The following FGGY variants were observed in gnomAD, a reference collection of about 807,000 sequenced individuals.
The protein encoded by FGGY is FGGY carbohydrate kinase domain containing.
Under a neutral mutation model 71.3 loss-of-function variants are expected in FGGY, and 72 were observed. The ratio of observed to expected loss-of-function variants is 1.01; its 90% CI spans 0.84 to 1.23. The LOEUF is 1.23. FGGY is among the 50% of genes most tolerant of loss of function. The pLI is 0.00. For missense variants in FGGY, 668 were observed against 682.3 expected, an observed-to-expected ratio of 0.98 and a Z score of 0.23; for synonymous variants, 251 against 250.3, an observed-to-expected ratio of 1.00 and a Z score of -0.02.
chr1:59,313,685 C>G (rs2044812178), intron 1 of FGGY, among the ~76,000 whole-genome samples: 1 of 152,134 alleles, frequency 6.6e-6, no homozygotes, highest in South Asian at 2.1e-4. Flanking sequence ...GACTATTATT[C>G]TAAGTGAAGT....
chr1:59,402,703 G>A (rs1557811188), intron 5 of FGGY, among the ~76,000 whole-genome samples: 1 of 152,138 alleles, frequency 6.6e-6, no homozygotes, highest in Non-Finnish European at 1.5e-5. Flanking sequence ...ACTGAGCCTT[G>A]AGACAGGGTA....
At chr1:59,541,102 TCAAA>T (rs1196107783) in intron 7 of FGGY, among the ~76,000 whole-genome samples, 2 of 152,154 alleles carry the variant, frequency 1.3e-5, no homozygotes, top group African/African-American at 4.8e-5. Context: ...TGAGCCTTCC[TCAAA>T]CAATGTATTA....
At chr1:59,504,576 G>T (rs960939035) in intron 6 of FGGY, among the ~76,000 whole-genome samples, 19 of 152,230 alleles carry the variant, frequency 1.2e-4, no homozygotes, top group African/African-American at 4.6e-4. Context: ...TTTAGTAACA[G>T]AAGTCACCTT....
chr1:59,346,249 G>T lies in FGGY; in HGVS notation c.316G>T (p.Asp106Tyr). The change falls in exon 4 of 16, where the codon GAT (aspartate) becomes TAT (tyrosine). Residue 106 changes from aspartate (D) to tyrosine (Y), a missense_variant and splice_region_variant. Physicochemically the swap from Asp to Tyr is radical, Grantham distance 160 (BLOSUM62 -3). Transcript: ENST00000303721. Reference protein sequence around the residue: ...FHPLPVNQEGDSHRNVIMWLD... With the variant: ...FHPLPVNQEGYSHRNVIMWLD... ...CATCTCCCTCTCGTTTCTGCTAGGGGATTCCCATCGAAACGTCATCATGTG... is the reference window on the plus strand; with the variant it reads ...CATCTCCCTCTCGTTTCTGCTAGGGTATTCCCATCGAAACGTCATCATGTG... The T allele has an allele frequency of 6.2e-7, 1 of 1,612,848 alleles. No individual in the cohort carries two copies. The highest frequency in any genetic ancestry group is 1.1e-5 in the South Asian group (1 of 91,016).
intron 5 of FGGY, among the ~76,000 whole-genome samples, chr1:59,448,232 A>G (rs552346682): frequency 1.3e-5 from 2 of 152,156 alleles, no homozygotes; most frequent in African/African-American, 4.8e-5. Context: ...TTCTTGTACA[A>G]CCATTTTGTT....
intron 14 of FGGY, among the ~76,000 whole-genome samples, chr1:59,713,458 C>T (rs187448636): frequency 3.3e-5 from 5 of 152,282 alleles, no homozygotes; most frequent in African/African-American, 1.2e-4. Flanking sequence ...ACTGCAGGTC[C>T]TTCACAAAGC....
chr1:59,473,878 C>T (rs186471653), intron 6 of FGGY, among the ~76,000 whole-genome samples: 1 of 152,250 alleles, frequency 6.6e-6, no homozygotes, highest in East Asian at 1.9e-4. Context: ...AGGTGGCAAG[C>T]CCATTTCTTT....
At chr1:59,399,116 A>G (rs2061649590) in intron 5 of FGGY, among the ~76,000 whole-genome samples, 2 of 152,194 alleles carry the variant, frequency 1.3e-5, no homozygotes, top group African/African-American at 2.4e-5. Flanking sequence ...AGTGGGCATA[A>G]TAGTTCCTAT....
intron 8 of FGGY, among the ~76,000 whole-genome samples, chr1:59,574,208 G>A (rs527682172): frequency 5.3e-5 from 8 of 152,300 alleles, no homozygotes; most frequent in African/African-American, 1.7e-4. Flanking sequence ...GGAGGTTCCA[G>A]GGGAAAACCT....
chr1:59,515,290 G>A (rs146438950), intron 7 of FGGY, among the ~76,000 whole-genome samples: 7 of 152,228 alleles, frequency 4.6e-5, no homozygotes, highest in Middle Eastern at 6.8e-3. Context: ...ATTTCTCCTG[G>A]AATGGCTGTA....
intron 4 of FGGY, among the ~76,000 whole-genome samples, chr1:59,374,185 A>G (rs971847153): frequency 2.3e-4 from 35 of 152,308 alleles, no homozygotes; most frequent in African/African-American, 8.2e-4. Flanking sequence ...AGAATCTACA[A>G]TGAACTCAAA....
rs545619944 is a variant in FGGY, at chr1:59,641,290, GATATCTGT to G, written c.1221+2920_1221+2927del. Reference sequence around the variant, plus strand: ...TCTCGGATTTCTCAGAGAACCACTGGATATCTGTATATTCCGGCTTTGGCAGCGTTGCA... The same window carrying G: ...TCTCGGATTTCTCAGAGAACCACTGGATATTCCGGCTTTGGCAGCGTTGCA... On this transcript the variant is annotated intron_variant, in intron 11 of 15. Coordinates refer to ENST00000303721, the MANE Select transcript of FGGY (RefSeq NM_018291.5). 4.2e-4 allele frequency: 682 copies of G among 1,610,522 alleles called. 11 individuals carry two copies. The East Asian group carries it at 0.012, about 29-fold the overall frequency.
At chr1:59,520,597 C>T (rs2094799439) in intron 7 of FGGY, among the ~76,000 whole-genome samples, 2 of 152,162 alleles carry the variant, frequency 1.3e-5, no homozygotes, top group Admixed American at 6.5e-5. Flanking sequence ...CATCATCCAG[C>T]ATGAAATCCA....
At chr1:59,304,607 G>T (rs2043190211) in intron 1 of FGGY, among the ~76,000 whole-genome samples, 2 of 151,448 alleles carry the variant, frequency 1.3e-5, no homozygotes, top group African/African-American at 2.4e-5. Flanking sequence ...TTTTTTAAAT[G>T]CCATTGGTAT....
chr1:59,312,402 G>A (rs2044511629), intron 1 of FGGY, among the ~76,000 whole-genome samples: 1 of 152,186 alleles, frequency 6.6e-6, no homozygotes. Context: ...ATGTAGATGG[G>A]AGAAACAACA....
intron 14 of FGGY, among the ~76,000 whole-genome samples, chr1:59,736,201 CTG>C (rs373911471): frequency 1.7e-4 from 26 of 152,298 alleles, no homozygotes; most frequent in African/African-American, 6.0e-4. Flanking sequence ...CCATATGGAA[CTG>C]TGAGTCCAAT....
intron 11 of FGGY, among the ~76,000 whole-genome samples, chr1:59,651,560 G>T (rs1248714402): frequency 1.4e-5 from 2 of 147,012 alleles, no homozygotes; most frequent in East Asian, 2.0e-4. Flanking sequence ...TTTTATCAGA[G>T]ACTAGGATTG....
chr1:59,340,228 G>A (rs1343121473), intron 3 of FGGY, among the ~76,000 whole-genome samples, 159 bp downstream of exon 3: 1 of 152,188 alleles, frequency 6.6e-6, no homozygotes, highest in Non-Finnish European at 1.5e-5. Flanking sequence ...TCAAGAGCTT[G>A]GAGAGCAGTT....
chr1:59,671,332 G>T (rs1158974050), intron 13 of FGGY, among the ~76,000 whole-genome samples: 1 of 152,236 alleles, frequency 6.6e-6, no homozygotes, highest in African/African-American at 2.4e-5. Context: ...TGGAAGCCCA[G>T]ACAACCAAGA....
Sources: gnomAD v4.1 joint callset for allele counts (sites outside exome capture counted in the v4.1 genomes callset) on GRCh38, gnomAD v4.1.1 for gene constraint, MANE v1.5 for transcripts, NCBI Gene and HGNC (gene_info 2026-07-23, HGNC 2026-07-21) for gene names.